CDH18: variants seen among roughly 807,000 people sequenced by gnomAD.
The protein encoded by CDH18 is cadherin-18.
In CDH18, 31 loss-of-function variants were observed where a neutral mutation model predicts 67.9. That is an observed-to-expected ratio of 0.46 (90% confidence interval 0.34 to 0.62). CDH18 has a LOEUF of 0.62. Among genes scored for constraint, CDH18 ranks in the 20% least tolerant of loss-of-function variants. CDH18 has a pLI of 0.01. For missense variants in CDH18, 890 were observed against 975.5 expected (o/e 0.91, Z 1.17); for synonymous variants, 362 against 347.2 (o/e 1.04, Z -0.48).
At chr5:20,549,620 A>G (rs1757526297) in intron 1 of CDH18, among the ~76,000 whole-genome samples, 2 of 152,142 alleles carry the variant, frequency 1.3e-5, no homozygotes, top group African/African-American at 2.4e-5. Context: ...CAAGAAAGTG[A>G]GAAGATTAAC....
intron 1 of CDH18, among the ~76,000 whole-genome samples, chr5:20,350,670 G>T (rs1580810145): frequency 6.6e-6 from 1 of 152,052 alleles, no homozygotes; most frequent in East Asian, 1.9e-4. Flanking sequence ...AGCTATATGA[G>T]GATCTGTTTA....
intron 1 of CDH18, among the ~76,000 whole-genome samples, chr5:20,344,012 C>G (rs1740496285): frequency 6.6e-6 from 1 of 152,078 alleles, no homozygotes; most frequent in African/African-American, 2.4e-5. Flanking sequence ...TCTGGAAGGG[C>G]TCCATAAAAG....
intron 9 of CDH18, among the ~76,000 whole-genome samples, chr5:19,529,141 T>C (rs546105601): frequency 6.6e-5 from 10 of 152,066 alleles, no homozygotes; most frequent in African/African-American, 2.4e-4. Context: ...CAGGACTATC[T>C]CAGGCTTTGA....
chr5:19,979,917 C>T (rs1343223176), intron 2 of CDH18, among the ~76,000 whole-genome samples: 2 of 152,034 alleles, frequency 1.3e-5, no homozygotes, highest in East Asian at 1.9e-4. Context: ...GATGCCCACT[C>T]TCACCACTCC....
chr5:19,983,032 C>T (rs1417167946), intron 1 of CDH18, among the ~76,000 whole-genome samples: 4 of 63,294 alleles, frequency 6.3e-5, no homozygotes, highest in Admixed American at 1.9e-4. Context: ...GACTCCATCT[C>T]GAAAAAAAAA....
At chr5:19,713,400 T>C (rs1049328812) in intron 5 of CDH18, among the ~76,000 whole-genome samples, 20 of 152,166 alleles carry the variant, frequency 1.3e-4, no homozygotes, top group African/African-American at 4.3e-4. Flanking sequence ...TTAACAGCTT[T>C]TTGTAAGTTT....
intron 2 of CDH18, among the ~76,000 whole-genome samples, chr5:20,103,964 A>C (rs1051204609): frequency 3.2e-4 from 48 of 151,722 alleles, no homozygotes; most frequent in African/African-American, 1.0e-3. Flanking sequence ...AACATGCCAT[A>C]CAGGTTTCTA....
intron 2 of CDH18, among the ~76,000 whole-genome samples, chr5:19,898,254 AG>A (rs1192013760): frequency 6.6e-6 from 1 of 152,000 alleles, no homozygotes; most frequent in Non-Finnish European, 1.5e-5. Flanking sequence ...TATTCCTTTA[AG>A]AACAGCTTTT....
intron 1 of CDH18, among the ~76,000 whole-genome samples, chr5:20,378,861 G>T (rs567675083): frequency 6.6e-6 from 1 of 152,088 alleles, no homozygotes; most frequent in East Asian, 1.9e-4. Context: ...TAACAAAGGG[G>T]TTGCAATAAC....
chr5:19,494,415 A>ATAAT (rs1159825537), intron 11 of CDH18, among the ~76,000 whole-genome samples: 2 of 152,310 alleles, frequency 1.3e-5, no homozygotes, highest in African/African-American at 4.8e-5. Context: ...AGTTTCACCT[A>ATAAT]TAATTACTAG....
chr5:20,436,915 G>A (rs910944361), intron 1 of CDH18, among the ~76,000 whole-genome samples: 2 of 151,360 alleles, frequency 1.3e-5, no homozygotes, highest in Admixed American at 1.3e-4. Flanking sequence ...TTAGATTTGA[G>A]TTACAAATAA....
chr5:19,849,940 A>T (rs143675498), intron 2 of CDH18, among the ~76,000 whole-genome samples: 1 of 151,676 alleles, frequency 6.6e-6, no homozygotes, highest in African/African-American at 2.4e-5. Flanking sequence ...TTTGTCTCAG[A>T]TGAAATTTGA....
At chr5:19,637,704 T>C (rs144029769) in intron 5 of CDH18, among the ~76,000 whole-genome samples, 15 of 152,276 alleles carry the variant, frequency 9.9e-5, no homozygotes, top group African/African-American at 3.6e-4. Flanking sequence ...CCGGCCTGCC[T>C]GTAGCAAGAA....
chr5:19,599,781 T>C (rs1580421458), intron 6 of CDH18, among the ~76,000 whole-genome samples: 1 of 152,070 alleles, frequency 6.6e-6, no homozygotes, highest in East Asian at 1.9e-4. Flanking sequence ...GGAAGATGCC[T>C]GTAGCTGAGG....
intron 2 of CDH18, among the ~76,000 whole-genome samples, chr5:20,156,354 T>A (rs886804121): frequency 1.3e-5 from 2 of 152,122 alleles, no homozygotes; most frequent in African/African-American, 2.4e-5. Context: ...GATGAATGGA[T>A]TTAAAAACTT....
At chr5:19,612,685 T>C (rs1749187991) in intron 5 of CDH18, 84 bp from the exon 6 acceptor site, 6 of 1,045,476 alleles carry the variant, frequency 5.7e-6, no homozygotes, top group Non-Finnish European at 8.5e-6. Flanking sequence ...TTTTAAGAAA[T>C]GTCTTTTAAA....
chr5:19,846,959 G>T (rs1327878069), intron 2 of CDH18, among the ~76,000 whole-genome samples: 2 of 151,690 alleles, frequency 1.3e-5, no homozygotes, highest in Non-Finnish European at 2.9e-5. Flanking sequence ...ATATTATCCT[G>T]TCACTTCTGG....
chr5:20,150,748 T>C (rs983376673), intron 2 of CDH18, among the ~76,000 whole-genome samples: 1 of 152,088 alleles, frequency 6.6e-6, no homozygotes, highest in South Asian at 2.1e-4. Flanking sequence ...TGTTTTTCTA[T>C]GGAGACTCTT....
At chr5:20,124,752 CTA>C (rs1413258205) in intron 2 of CDH18, among the ~76,000 whole-genome samples, 1 of 152,122 alleles carries the variant, frequency 6.6e-6, no homozygotes, top group African/African-American at 2.4e-5. Flanking sequence ...AAAATCTAGA[CTA>C]TCCTCTGCCA....
Sources: allele counts gnomAD v4.1 joint callset (sites outside exome capture counted in the v4.1 genomes callset), GRCh38; gene constraint gnomAD v4.1.1; transcripts MANE v1.5; gene names NCBI Gene and HGNC (gene_info 2026-07-23, HGNC 2026-07-21).